Variants in NBDY observed in about 807,000 individuals in gnomAD.
NBDY encodes the protein P-body dissociating protein.
intron 2 of NBDY, among the ~76,000 whole-genome samples, chrX:56,763,238 C>T (rs2069647300): frequency 8.9e-6 from 1 of 112,010 alleles, no homozygotes; most frequent in African/African-American, 3.2e-5. Context: ...GAGAGAGTTC[C>T]CTTGGGAGCC....
At chrX:56,795,203 T>C (rs2069785936) in intron 2 of NBDY, among the ~76,000 whole-genome samples, 1 of 112,093 alleles carries the variant, frequency 8.9e-6, no homozygotes, top group Non-Finnish European at 1.9e-5. Flanking sequence ...AGATTTTATG[T>C]GGAGTGTTTT....
At chrX:56,748,489 A>G (rs2069567093) in intron 2 of NBDY, among the ~76,000 whole-genome samples, 1 of 110,477 alleles carries the variant, frequency 9.1e-6, no homozygotes, top group Non-Finnish European at 1.9e-5. Context: ...AAGGTGATAG[A>G]TAAAACCAGG....
At chrX:56,734,165 G>A (rs2069474479) in intron 2 of NBDY, among the ~76,000 whole-genome samples, 1 of 111,991 alleles carries the variant, frequency 8.9e-6, no homozygotes, top group South Asian at 3.7e-4. Context: ...GGTACCACTC[G>A]TAGAGCATCA....
At chrX:56,815,554 G>A (rs1387454740) in intron 2 of NBDY, among the ~76,000 whole-genome samples, 1 of 111,789 alleles carries the variant, frequency 8.9e-6, no homozygotes, top group Non-Finnish European at 1.9e-5. Flanking sequence ...ATTTGAAATG[G>A]TAATCCACAA....
intron 2 of NBDY, among the ~76,000 whole-genome samples, chrX:56,791,352 G>T (rs2069761943): frequency 8.9e-6 from 1 of 111,884 alleles, no homozygotes; most frequent in Non-Finnish European, 1.9e-5. Context: ...CTCTGTCTCC[G>T]TATTGCCATT....
chrX:56,786,935 G>T (rs1279618458), intron 2 of NBDY, among the ~76,000 whole-genome samples: 2 of 111,387 alleles, frequency 1.8e-5, no homozygotes, highest in African/African-American at 6.5e-5. Context: ...TAAATGAAAT[G>T]TCGTGGTGAA....
intron 2 of NBDY, among the ~76,000 whole-genome samples, chrX:56,816,047 A>G (rs1231216786): frequency 9.0e-6 from 1 of 111,563 alleles, no homozygotes; most frequent in Non-Finnish European, 1.9e-5. Context: ...TTATACGAAG[A>G]AAAACAGCAT....
At chrX:56,750,480 T>C (rs2069579217) in intron 2 of NBDY, among the ~76,000 whole-genome samples, 2 of 110,764 alleles carry the variant, frequency 1.8e-5, no homozygotes, top group South Asian at 7.7e-4. Flanking sequence ...AAAAAATATA[T>C]GCAGACGACT....
intron 2 of NBDY, among the ~76,000 whole-genome samples, chrX:56,802,610 G>C (rs1301154169): frequency 8.8e-6 from 1 of 113,097 alleles, no homozygotes; most frequent in Non-Finnish European, 1.9e-5. Flanking sequence ...TGGAGCTCCA[G>C]GCTTTGGGAG....
At chrX:56,800,034 G>A (rs186301823) in intron 2 of NBDY, among the ~76,000 whole-genome samples, 44 of 111,131 alleles carry the variant, frequency 4.0e-4, no homozygotes, top group African/African-American at 1.4e-3. Flanking sequence ...GCCTGTGTGT[G>A]GGCCGCTGCA....
chrX:56,754,887 AC>A (rs1489001892), intron 2 of NBDY, among the ~76,000 whole-genome samples: 2 of 112,039 alleles, frequency 1.8e-5, no homozygotes, highest in Non-Finnish European at 3.8e-5. Flanking sequence ...AAAGGGAAAA[AC>A]AAACCAAAAG....
intron 2 of NBDY, among the ~76,000 whole-genome samples, chrX:56,783,760 CAG>C (rs2069710714): frequency 8.9e-6 from 1 of 112,817 alleles, no homozygotes; most frequent in South Asian, 3.6e-4. Flanking sequence ...CCACAGATGA[CAG>C]TCACGTCTTT....
chrX:56,813,385 A>G (rs1199109085), intron 2 of NBDY, among the ~76,000 whole-genome samples: 1 of 110,746 alleles, frequency 9.0e-6, no homozygotes, highest in African/African-American at 3.3e-5. Context: ...CACAACAGCG[A>G]TCCACATTTC....
chrX:56,796,137 T>C (rs1181598948), intron 2 of NBDY, among the ~76,000 whole-genome samples: 1 of 111,356 alleles, frequency 9.0e-6, no homozygotes, highest in African/African-American at 3.3e-5. Context: ...CAGTATTTGT[T>C]GGCATAATGT....
chrX:56,746,151 T>C (rs2069556791), intron 2 of NBDY, among the ~76,000 whole-genome samples: 1 of 111,932 alleles, frequency 8.9e-6, no homozygotes, highest in East Asian at 2.8e-4. Flanking sequence ...GTTGGTTGTC[T>C]GTCTGTGTAT....
At chrX:56,803,710 G>T (rs1445551655) in intron 2 of NBDY, among the ~76,000 whole-genome samples, 1 of 112,266 alleles carries the variant, frequency 8.9e-6, no homozygotes, top group Admixed American at 9.4e-5. Flanking sequence ...GCAGCCGGTC[G>T]TGTTCAGAAA....
chrX:56,748,477 T>C (rs1284907618), intron 2 of NBDY, among the ~76,000 whole-genome samples: 6 of 109,778 alleles, frequency 5.5e-5, no homozygotes, highest in Admixed American at 4.9e-4. Context: ...ACCATCAGCA[T>C]AAAGGTGATA....
At chrX:56,782,900 A>C (rs2069702785) in intron 2 of NBDY, among the ~76,000 whole-genome samples, 1 of 112,162 alleles carries the variant, frequency 8.9e-6, no homozygotes, top group South Asian at 3.7e-4. Context: ...ACAAACACAC[A>C]CGCACATGGA....
chrX:56,787,178 C>G (rs1459617790), intron 2 of NBDY, among the ~76,000 whole-genome samples: 4 of 110,905 alleles, frequency 3.6e-5, no homozygotes, highest in Non-Finnish European at 7.5e-5. Flanking sequence ...ACCCACAGAC[C>G]ACAGACACAG....
Sources: gnomAD v4.1 joint callset for allele counts (sites outside exome capture counted in the v4.1 genomes callset) on GRCh38, gnomAD v4.1.1 for gene constraint, MANE v1.5 for transcripts, NCBI Gene and HGNC (gene_info 2026-07-23, HGNC 2026-07-21) for gene names.